VAT1L: variants seen among roughly 807,000 people sequenced by gnomAD.
VAT1L encodes putative NADPH-dependent quinone oxidoreductase VAT1L.
VAT1L carries 34 observed loss-of-function variants against 44.1 expected under a neutral mutation model. That is an observed-to-expected ratio of 0.77 (90% CI 0.59 to 1.03). The LOEUF is 1.03. Among genes scored for constraint, VAT1L ranks in the 50% least tolerant of loss-of-function variants. The pLI is 0.00. For synonymous variants in VAT1L, 253 were observed against 202.2 expected (o/e 1.25, Z -2.13); for missense variants, 615 against 538.8 (o/e 1.14, Z -1.40).
chr16:77,937,141 A>G (rs1053980489), intron 7 of VAT1L, among the ~76,000 whole-genome samples: 7 of 152,118 alleles, frequency 4.6e-5, no homozygotes, highest in African/African-American at 1.7e-4. Flanking sequence ...TCGGCCTCCC[A>G]AAGTGCTGGG....
chr16:77,938,043 C>T (rs549379949), intron 7 of VAT1L, among the ~76,000 whole-genome samples: 130 of 152,340 alleles, frequency 8.5e-4, no homozygotes, highest in African/African-American at 2.6e-3. Context: ...TTTATGAGCA[C>T]TGTTTACTGT....
chr16:77,906,404 G>A (rs1441399930), intron 7 of VAT1L, among the ~76,000 whole-genome samples: 1 of 152,174 alleles, frequency 6.6e-6, no homozygotes, highest in Non-Finnish European at 1.5e-5. Context: ...TTTACACTGT[G>A]ACTTGCACAA....
chr16:77,801,515 T>C (rs2016051369), intron 1 of VAT1L: 1 of 152,132 alleles, frequency 6.6e-6, no homozygotes, highest in South Asian at 2.1e-4. Context: ...TTTGTTATTG[T>C]TCCCAGAATA....
chr16:77,964,702 G>C (rs929123089), intron 7 of VAT1L, among the ~76,000 whole-genome samples: 4 of 147,298 alleles, frequency 2.7e-5, no homozygotes, highest in African/African-American at 1.0e-4. Context: ...CAGGGATCTT[G>C]TTTAACTGGG....
chr16:77,868,277 T>A (rs1187261835), intron 4 of VAT1L, among the ~76,000 whole-genome samples: 1 of 152,136 alleles, frequency 6.6e-6, no homozygotes, highest in East Asian at 1.9e-4. Context: ...CATCACAAAG[T>A]TGAAAAATTA....
At chr16:77,912,794 G>C (rs1156660004) in intron 7 of VAT1L, among the ~76,000 whole-genome samples, 1 of 152,118 alleles carries the variant, frequency 6.6e-6, no homozygotes, top group Non-Finnish European at 1.5e-5. Context: ...AGTTCTGGAG[G>C]CTCGCAAGTT....
intron 7 of VAT1L, among the ~76,000 whole-genome samples, chr16:77,908,510 G>T (rs1175306898): frequency 7.2e-6 from 1 of 138,040 alleles, no homozygotes; most frequent in Non-Finnish European, 1.5e-5. Context: ...GCCTCTTCAT[G>T]ATTACAGATA....
At chr16:77,946,444 C>T (rs982150799) in intron 7 of VAT1L, among the ~76,000 whole-genome samples, 23 of 151,776 alleles carry the variant, frequency 1.5e-4, no homozygotes, top group Non-Finnish European at 2.5e-4. Context: ...CCACCACGGC[C>T]AGCTAATTTT....
chr16:77,963,237 C>G (rs1352570454), intron 7 of VAT1L, among the ~76,000 whole-genome samples: 2 of 152,068 alleles, frequency 1.3e-5, no homozygotes, highest in Non-Finnish European at 2.9e-5. Flanking sequence ...CGGACTTTGC[C>G]GATGAGATTA....
intron 4 of VAT1L, among the ~76,000 whole-genome samples, chr16:77,873,823 C>T (rs1339030839): frequency 2.0e-5 from 3 of 152,038 alleles, no homozygotes; most frequent in African/African-American, 4.8e-5. Context: ...GATAGGCTGT[C>T]CAGGCAGAGA....
intron 4 of VAT1L, among the ~76,000 whole-genome samples, chr16:77,874,292 G>C (rs1292245753): frequency 6.6e-6 from 1 of 152,056 alleles, no homozygotes; most frequent in Non-Finnish European, 1.5e-5. Flanking sequence ...AGCAGACCAG[G>C]ACCCCACTCT....
At chr16:77,826,440 G>C (rs143021007) in intron 3 of VAT1L, among the ~76,000 whole-genome samples, 24 of 152,274 alleles carry the variant, frequency 1.6e-4, no homozygotes, top group Admixed American at 7.2e-4. Flanking sequence ...ATTTTCTTGA[G>C]TGGGCAGAGA....
At chr16:77,800,195 GAAT>G (rs2016020822) in intron 1 of VAT1L, 1 of 152,150 alleles carries the variant, frequency 6.6e-6, no homozygotes, top group African/African-American at 2.4e-5. Flanking sequence ...AAGAAGAAAT[GAAT>G]AATGACTTTC....
intron 6 of VAT1L, among the ~76,000 whole-genome samples, chr16:77,882,732 T>A (rs1178227664): frequency 6.6e-6 from 1 of 152,262 alleles, no homozygotes; most frequent in Admixed American, 6.5e-5. Flanking sequence ...GCAGATACAC[T>A]GTGAATCAAG....
At chr16:77,949,876 C>T (rs968420679) in intron 7 of VAT1L, among the ~76,000 whole-genome samples, 1 of 152,184 alleles carries the variant, frequency 6.6e-6, no homozygotes, top group Non-Finnish European at 1.5e-5. Flanking sequence ...GCTTGTCCTG[C>T]CCTTTGTGAA....
At chr16:77,810,755 T>C (rs143437277) in intron 1 of VAT1L, among the ~76,000 whole-genome samples, 232 of 152,258 alleles carry the variant, frequency 1.5e-3, no homozygotes, top group African/African-American at 5.5e-3. Context: ...GAAATAAACA[T>C]AACCAATGTA....
chr16:77,863,754 A>G (rs1255386890), intron 4 of VAT1L, among the ~76,000 whole-genome samples: 2 of 152,154 alleles, frequency 1.3e-5, no homozygotes. Flanking sequence ...GGTGTTGGCA[A>G]AGGGACACCT....
At chr16:77,796,745 G>A (rs912646444) in intron 1 of VAT1L, among the ~76,000 whole-genome samples, 1 of 152,176 alleles carries the variant, frequency 6.6e-6, no homozygotes, top group Non-Finnish European at 1.5e-5. Flanking sequence ...TTCTTGCCTA[G>A]CGTTCTCACA....
intron 7 of VAT1L, among the ~76,000 whole-genome samples, chr16:77,919,000 G>C (rs2017581813): frequency 6.6e-6 from 1 of 152,224 alleles, no homozygotes; most frequent in Non-Finnish European, 1.5e-5. Flanking sequence ...ATTCAAGAGA[G>C]TCGTGGCTAT....
Sources: gnomAD v4.1 joint callset for allele counts (sites outside exome capture counted in the v4.1 genomes callset) on GRCh38, gnomAD v4.1.1 for gene constraint, MANE v1.5 for transcripts, NCBI Gene and HGNC (gene_info 2026-07-23, HGNC 2026-07-21) for gene names.